The following PDCD6 variants were observed in gnomAD, a reference collection of about 807,000 sequenced individuals.
PDCD6 encodes the protein programmed cell death 6, also known as programmed cell death protein 6.
Under a neutral mutation model 28.3 loss-of-function variants are expected in PDCD6, and 12 were observed. The observed-to-expected ratio is 0.42, with a 90% CI of 0.27 to 0.69. The LOEUF is 0.69. Among genes scored for constraint, PDCD6 ranks in the 30% least tolerant of loss-of-function variants. The pLI is 0.22. For synonymous variants in PDCD6, 92 were observed against 108.0 expected (o/e 0.85, Z 0.92); for missense variants, 226 against 269.9 (o/e 0.84, Z 1.14).
chr5:303,810 TA>T (rs1437340730), intron 2 of PDCD6, among the ~76,000 whole-genome samples: 1 of 146,922 alleles, frequency 6.8e-6, no homozygotes, highest in Non-Finnish European at 1.5e-5. Context: ...CTAACAAAAC[TA>T]AGTGCGAACT....
chr5:274,794 C>T (rs1738078692), intron 2 of PDCD6, among the ~76,000 whole-genome samples: 1 of 151,984 alleles, frequency 6.6e-6, no homozygotes. Flanking sequence ...GGGAGTTAGT[C>T]CTGCCCCAGT....
At chr5:285,143 G>A (rs772026774) in intron 2 of PDCD6, among the ~76,000 whole-genome samples, 1 of 151,742 alleles carries the variant, frequency 6.6e-6, no homozygotes, top group East Asian at 2.0e-4. Context: ...TGAACCTGGT[G>A]GGGGAGCTGA....
At chr5:287,434 C>T (rs1322277115) in intron 2 of PDCD6, among the ~76,000 whole-genome samples, 1 of 147,628 alleles carries the variant, frequency 6.8e-6, no homozygotes, top group Non-Finnish European at 1.5e-5. Flanking sequence ...ATTCCTTTTT[C>T]TCTTACACAG....
chr5:290,432 A>C, intron 2 of PDCD6: 2 of 655,054 alleles, frequency 3.1e-6, no homozygotes, highest in South Asian at 1.8e-5. Flanking sequence ...ACACTCCCGC[A>C]TGCAGGCCAA....
chr5:290,103 A>G (rs575183219), intron 2 of PDCD6: 4 of 1,573,862 alleles, frequency 2.5e-6, no homozygotes, highest in South Asian at 1.1e-5. Context: ...TATATTCGAC[A>G]TTAGGGTTGG....
chr5:271,688 C>A lies in PDCD6; in HGVS notation c.-33C>A. 1 of 1,308,594 alleles carries A rather than the reference C, an allele frequency of 7.6e-7. No homozygotes were observed. Among genetic ancestry groups the A allele is most frequent in the Non-Finnish European group, 1.1e-6 (1 of 939,988 alleles). The allele number at this position is 1,308,594 out of a possible 1,614,324, so 81.1% of individuals were successfully genotyped here. ...CGGCCTGAGAGGTCTCTCGTCGCTGCAGGCGCCTCAGCCCAGCCGCGTGCC... is the reference window on the plus strand; with the variant it reads ...CGGCCTGAGAGGTCTCTCGTCGCTGAAGGCGCCTCAGCCCAGCCGCGTGCC... On this transcript the variant is annotated 5_prime_UTR_variant, in exon 1 of 6. Transcript: ENST00000264933.
chr5:276,827 G>C (rs1218002899), intron 2 of PDCD6: 1 of 985,382 alleles, frequency 1.0e-6, no homozygotes, highest in Non-Finnish European at 1.2e-6. Context: ...CATGAGACTT[G>C]TTTGCACAGG....
chr5:271,960 C>A, intron 1 of PDCD6, 139 bp downstream of exon 1: 1 of 402,224 alleles, frequency 2.5e-6, no homozygotes. Context: ...CCCGCGGCCC[C>A]CTCCCGTCCC....
chr5:280,140 A>G (rs1472912240), intron 2 of PDCD6, among the ~76,000 whole-genome samples: 1 of 151,742 alleles, frequency 6.6e-6, no homozygotes, highest in Non-Finnish European at 1.5e-5. Flanking sequence ...CCATGTGTTC[A>G]TCCACCTGAG....
At chr5:273,695 G>C (rs56328862) in intron 2 of PDCD6, among the ~76,000 whole-genome samples, 4 of 144,376 alleles carry the variant, frequency 2.8e-5, no homozygotes, top group African/African-American at 1.1e-4. Context: ...CTGTGGGTGG[G>C]GGGGTGCTGG....
intron 2 of PDCD6, among the ~76,000 whole-genome samples, chr5:301,726 T>A (rs1740065950): frequency 6.7e-6 from 1 of 149,680 alleles, no homozygotes; most frequent in Non-Finnish European, 1.5e-5. Flanking sequence ...CACCTGCCTT[T>A]GTGGGGAGAG....
chr5:276,956 C>T, intron 2 of PDCD6: 4 of 984,596 alleles, frequency 4.1e-6, no homozygotes, highest in Non-Finnish European at 4.8e-6. Flanking sequence ...AGTTTGATCC[C>T]TTTTCGGGTG....
At chr5:290,652 T>C (rs987797096) in intron 2 of PDCD6, among the ~76,000 whole-genome samples, 3 of 152,342 alleles carry the variant, frequency 2.0e-5, no homozygotes, top group Middle Eastern at 3.4e-3. Flanking sequence ...CCATTTTTCC[T>C]GTGAGGTTTC....
intron 3 of PDCD6, chr5:306,223 C>G (rs1296061045): frequency 4.3e-6 from 1 of 234,012 alleles, no homozygotes; most frequent in Non-Finnish European, 8.9e-6. Flanking sequence ...GACCCAGGAG[C>G]CAGGGGAGCT....
At chr5:309,649 C>T (rs1740772656) in intron 4 of PDCD6, 1 of 139,110 alleles carries the variant, frequency 7.2e-6, no homozygotes, top group South Asian at 7.7e-5. Context: ...GTGAGGGCCG[C>T]CGTCCCCGTG....
intron 2 of PDCD6, among the ~76,000 whole-genome samples, chr5:299,984 T>C (rs1293125540): frequency 6.6e-6 from 1 of 152,200 alleles, no homozygotes; most frequent in African/African-American, 2.4e-5. Flanking sequence ...CCCATCACTG[T>C]CCTTCTCTCA....
At chr5:273,935 G>GTTTTTTTTTTTTTTTTT (rs34990391) in intron 2 of PDCD6, among the ~76,000 whole-genome samples, 6 of 146,108 alleles carry the variant, frequency 4.1e-5, no homozygotes, top group Non-Finnish European at 6.1e-5. Context: ...TTAAATCCTC[G>GTTTTTTTTTTTTTTTTT]TTTTTTTTTT....
intron 2 of PDCD6, among the ~76,000 whole-genome samples, chr5:299,703 C>A (rs1464053712): frequency 6.6e-6 from 1 of 152,102 alleles, no homozygotes; most frequent in Non-Finnish European, 1.5e-5. Flanking sequence ...GCACACGCCG[C>A]CATGCCTGGC....
Position 272,821 on chromosome 5 carries a change from C to T in PDCD6, c.163+49C>T, listed in dbSNP as rs369756550. ...GTCTCCGGACCAAGAAGCCGCGAGCCTGCCCTGTTCACAGTGGATAACTTT... is the reference window on the plus strand; with the variant it reads ...GTCTCCGGACCAAGAAGCCGCGAGCTTGCCCTGTTCACAGTGGATAACTTT... On this transcript the variant is annotated intron_variant, in intron 2 of 5. Coordinates refer to ENST00000264933, the MANE Select transcript of PDCD6 (RefSeq NM_013232.4). 15 of 1,554,986 alleles carry T rather than the reference C, an allele frequency of 9.6e-6. 1 individual carries two copies. Among genetic ancestry groups the T allele is most frequent in the Non-Finnish European group, 1.3e-5 (15 of 1,153,088 alleles).
Sources: gnomAD v4.1 joint callset for allele counts (sites outside exome capture counted in the v4.1 genomes callset) on GRCh38, gnomAD v4.1.1 for gene constraint, MANE v1.5 for transcripts, NCBI Gene and HGNC (gene_info 2026-07-23, HGNC 2026-07-21) for gene names.